Variants in CACNA1C observed in about 807,000 individuals in gnomAD.
CACNA1C encodes voltage-dependent L-type calcium channel subunit alpha-1C.
A neutral mutation model predicts 229.0 loss-of-function variants in CACNA1C; 30 were observed. That is an observed-to-expected ratio of 0.13 (90% confidence interval 0.10 to 0.18). The LOEUF (loss-of-function observed/expected upper bound fraction) is 0.18, where lower values mean the gene tolerates loss of function less well. Among genes scored for constraint, CACNA1C ranks in the 10% least tolerant of loss-of-function variants. The pLI is 1.00. For synonymous variants in CACNA1C, 1,114 were observed against 1,132.5 expected (o/e 0.98, Z 0.33); for missense variants, 1,658 against 2,845.0 (o/e 0.58, Z 9.49).
rs145357750 is a variant in CACNA1C at position 2,450,787 on chromosome 12, T to C, written c.617+1672T>C. On this transcript the variant is annotated intron_variant, in intron 4 of 46. Coordinates refer to ENST00000399655, the MANE Select transcript of CACNA1C (RefSeq NM_000719.7). ...GTCAAGGTCAGAATGTCAGGAGCTCTTTATCCCAGAGGCCTATTTTTGGAG... is the reference window on the plus strand; with the variant it reads ...GTCAAGGTCAGAATGTCAGGAGCTCCTTATCCCAGAGGCCTATTTTTGGAG... 6.6e-3 allele frequency among the ~76,000 whole-genome samples: 1,009 copies of C among 152,244 alleles called. 9 individuals carry two copies. Among genetic ancestry groups the C allele is most frequent in the Non-Finnish European group, 0.011 (752 of 68,018 alleles).
At chr12:2,424,776 T>C (rs2099012817) in intron 3 of CACNA1C, among the ~76,000 whole-genome samples, 1 of 152,042 alleles carries the variant, frequency 6.6e-6, no homozygotes, top group Non-Finnish European at 1.5e-5. Flanking sequence ...GAGGAGGAAG[T>C]TGAGGAAACC....
chr12:2,296,742 G>T (rs186170955), intron 3 of CACNA1C, among the ~76,000 whole-genome samples: 3 of 152,320 alleles, frequency 2.0e-5, no homozygotes, highest in Non-Finnish European at 4.4e-5. Flanking sequence ...AAATTCCCCC[G>T]TTGGTCTGTG....
intron 3 of CACNA1C, among the ~76,000 whole-genome samples, chr12:2,126,876 G>A (rs1122864): frequency 0.8 from 121,915 of 152,172 alleles, 49,458 homozygotes; most frequent in African/African-American, 0.93. Context: ...GCCAGGCTGA[G>A]GGCCCCTCCC....
At chr12:2,068,557 G>A (rs568373332) in intron 1 of CACNA1C, among the ~76,000 whole-genome samples, 5 of 152,322 alleles carry the variant, frequency 3.3e-5, no homozygotes, top group Admixed American at 2.0e-4. Context: ...GCCAATTTTC[G>A]TGATGTTTGC....
At chr12:2,008,536 A>G (rs956670434) in intron 1 of CACNA1C, among the ~76,000 whole-genome samples, 2 of 150,738 alleles carry the variant, frequency 1.3e-5, no homozygotes, top group African/African-American at 5.0e-5. Flanking sequence ...ATAAATGCTT[A>G]TTCTTTTGAA....
At chr12:2,263,731 C>T (rs2081249663) in intron 3 of CACNA1C, among the ~76,000 whole-genome samples, 1 of 151,814 alleles carries the variant, frequency 6.6e-6, no homozygotes, top group South Asian at 2.1e-4. Context: ...GGAAGATGGA[C>T]TCTATATCTT....
At chr12:2,367,531 G>C (rs945565923) in intron 3 of CACNA1C, among the ~76,000 whole-genome samples, 6 of 152,186 alleles carry the variant, frequency 3.9e-5, no homozygotes, top group Admixed American at 2.0e-4. Flanking sequence ...AAGACTTACA[G>C]ATGTTGGTTA....
At chr12:2,305,861 T>C (rs541093702) in intron 3 of CACNA1C, among the ~76,000 whole-genome samples, 44 of 152,324 alleles carry the variant, frequency 2.9e-4, no homozygotes, top group Non-Finnish European at 4.9e-4. Flanking sequence ...AAAACCCAGA[T>C]TACTAGTGAG....
rs2154494960 is a variant in CACNA1C, at chr12:2,042,830, G to A, written c.139+71629G>A. 1.3e-5 allele frequency among the ~76,000 whole-genome samples: 2 copies of A among 152,338 alleles called. 1 individual carries two copies. Among genetic ancestry groups the A allele is most frequent in the Middle Eastern group, 6.8e-3 (2 of 294 alleles). ...ATCATGACTTGTACACAAGTTTCAA[G>A]ATGTCCTACACTACTCCAATCACTT... On this transcript the variant is annotated intron_variant, in intron 1 of 46. Coordinates refer to the CACNA1C transcript ENST00000682462.
chr12:2,114,376 T>A (rs2154135355), intron 1 of CACNA1C, among the ~76,000 whole-genome samples: 1 of 152,190 alleles, frequency 6.6e-6, no homozygotes, highest in East Asian at 1.9e-4. Context: ...GGATGCAACG[T>A]GGCTTTTTTT....
Position 2,304,528 on chromosome 12 carries a change from G to A in CACNA1C, c.478-144448G>A, listed in dbSNP as rs191777701. Among the ~76,000 whole-genome samples, 114 of 152,200 alleles carry A rather than the reference G, an allele frequency of 7.5e-4. 1 individual carries two copies. Among genetic ancestry groups the A allele is most frequent in the African/African-American group, 2.7e-3 (112 of 41,538 alleles). On this transcript the variant is annotated intron_variant, in intron 3 of 46. Coordinates refer to ENST00000399655, the MANE Select transcript of CACNA1C (RefSeq NM_000719.7). ...CTGTGCTTTTGCTGTGCCACCTCCC[G>A]AGCAGGGCTGGATTAACTGGATAAA...
At position 2,571,811 on chromosome 12, in the gene CACNA1C, T is replaced by G. The variant is rs370304782; in HGVS notation, c.1895+4017T>G. ...AGACTAATTAGGTTGGGGGATCCCATAAGTCCGTCTCCAGCGCCAGCCTTG... is the reference window on the plus strand; with the variant it reads ...AGACTAATTAGGTTGGGGGATCCCAGAAGTCCGTCTCCAGCGCCAGCCTTG... On this transcript the variant is annotated intron_variant, in intron 13 of 46. Transcript: ENST00000399655. Among the ~76,000 whole-genome samples, 3 of 152,282 alleles carry G rather than the reference T, an allele frequency of 2.0e-5. No homozygotes were observed. The South Asian group carries it at 6.2e-4, about 32-fold the overall frequency.
chr12:2,633,556 G>A lies in CACNA1C; in HGVS notation c.3829-741G>A. On this transcript the variant is annotated intron_variant, in intron 29 of 46. Transcript: ENST00000399655. The surrounding 1 kb of genome is among the most constrained non-coding windows in gnomAD (Gnocchi z 5.8). The stretch of plus-strand genomic sequence containing the variant: ...GAGGTGCCTGGACGATGATTCTGAT[G>A]GTGGTGTTGCTCTGTTCTTGTCTGT... The A allele has an allele frequency of 1.1e-6, 1 of 872,640 alleles. No homozygotes were observed. Among genetic ancestry groups the A allele is most frequent in the South Asian group, 1.4e-5 (1 of 72,832 alleles). 54.1% of individuals were successfully genotyped at this position (872,640 alleles called of 1,614,324 possible). A position where few individuals can be genotyped will look rare whatever the true frequency, so the allele number is the denominator to read the frequency against.
intron 3 of CACNA1C, among the ~76,000 whole-genome samples, chr12:2,178,327 C>G (rs938190564): frequency 1.3e-5 from 2 of 152,226 alleles, no homozygotes. Flanking sequence ...GGAGCTAGCA[C>G]TTGCTGAGTT....
intron 1 of CACNA1C, among the ~76,000 whole-genome samples, chr12:2,078,676 G>A (rs566669381): frequency 4.6e-4 from 70 of 152,278 alleles, no homozygotes; most frequent in Middle Eastern, 3.4e-3. Flanking sequence ...GTTAACACTA[G>A]TTTAACTGTA....
chr12:2,392,643 A>G (rs1298888216), intron 3 of CACNA1C, among the ~76,000 whole-genome samples: 1 of 152,178 alleles, frequency 6.6e-6, no homozygotes, highest in East Asian at 1.9e-4. Flanking sequence ...GGTGTCTCCA[A>G]GATACCTGGG....
intron 1 of CACNA1C, among the ~76,000 whole-genome samples, chr12:1,986,105 G>A (rs777405855): frequency 3.9e-5 from 6 of 152,338 alleles, no homozygotes; most frequent in East Asian, 1.9e-4. Context: ...GAGCCACTGC[G>A]CCCAGCCGTC....
At chr12:2,303,584 G>A (rs1170628148) in intron 3 of CACNA1C, among the ~76,000 whole-genome samples, 1 of 152,152 alleles carries the variant, frequency 6.6e-6, no homozygotes, top group Non-Finnish European at 1.5e-5. Context: ...GGGTAACACA[G>A]GGAGACCCTG....
At chr12:2,137,369 T>C (rs2093642210) in intron 3 of CACNA1C, among the ~76,000 whole-genome samples, 1 of 150,934 alleles carries the variant, frequency 6.6e-6, no homozygotes. Flanking sequence ...AATGAGAATA[T>C]AGATAGAAAT....
Sources: allele counts gnomAD v4.1 joint callset (sites outside exome capture counted in the v4.1 genomes callset), GRCh38; gene constraint gnomAD v4.1.1; non-coding constraint Gnocchi (gnomAD v3.1); transcripts MANE v1.5; gene names NCBI Gene and HGNC (gene_info 2026-07-23, HGNC 2026-07-21).